ATP8A2: variants seen among roughly 807,000 people sequenced by gnomAD.
ATP8A2 encodes ATPase phospholipid transporting 8A2.
ATP8A2 carries 100 observed loss-of-function variants against 165.6 expected under a neutral mutation model. The observed-to-expected ratio is 0.60, with a 90% CI of 0.51 to 0.71. ATP8A2 has a LOEUF of 0.71. ATP8A2 is among the 30% of genes least tolerant of loss of function. ATP8A2 has a pLI of 0.00. For missense variants in ATP8A2, 1,227 were observed against 1,479.5 expected (o/e 0.83, Z 2.80); for synonymous variants, 543 against 548.8 (o/e 0.99, Z 0.15).
intron 1 of ATP8A2, among the ~76,000 whole-genome samples, chr13:25,435,787 T>C (rs1023271318): frequency 2.6e-5 from 4 of 152,226 alleles, no homozygotes; most frequent in Non-Finnish European, 5.9e-5. Context: ...GAAAATATAA[T>C]GTAGACTATT....
rs1409629958 is a variant in ATP8A2, at chr13:26,021,632, C to G, written c.*1647C>G. The G allele has an allele frequency of 6.6e-6, 1 of 152,228 alleles. No individual in the cohort carries two copies. Among genetic ancestry groups the G allele is most frequent in the African/African-American group, 2.4e-5 (1 of 41,444 alleles). 9.4% of individuals were successfully genotyped at this position (152,228 alleles called of 1,614,324 possible). ...AACAACCTGCCTGGAGCCCTGTTCTCTGCTCTGGTTGCCAAACCAGATTTT... is the reference window on the plus strand; with the variant it reads ...AACAACCTGCCTGGAGCCCTGTTCTGTGCTCTGGTTGCCAAACCAGATTTT... On this transcript the variant is annotated 3_prime_UTR_variant, in exon 37 of 37. Coordinates refer to ENST00000381655, the MANE Select transcript of ATP8A2 (RefSeq NM_016529.6).
At chr13:25,930,687 G>A (rs984444078) in intron 33 of ATP8A2, among the ~76,000 whole-genome samples, 2 of 151,748 alleles carry the variant, frequency 1.3e-5, no homozygotes, top group Admixed American at 6.6e-5. Flanking sequence ...TCGTCATTGT[G>A]TGCCCAGCAA....
intron 33 of ATP8A2, among the ~76,000 whole-genome samples, chr13:25,918,174 A>C (rs1364940274): frequency 2.0e-5 from 3 of 152,240 alleles, no homozygotes; most frequent in African/African-American, 7.2e-5. Flanking sequence ...ATAAAAGGGC[A>C]ATGGTGCAGC....
At chr13:25,979,929 CAGAGTAATCAGAGAAA>C (rs1956142976) in intron 35 of ATP8A2, among the ~76,000 whole-genome samples, 1 of 152,138 alleles carries the variant, frequency 6.6e-6, no homozygotes, top group South Asian at 2.1e-4. Flanking sequence ...TAACAACAGT[CAGAGTAATCAGAGAAA>C]AGCGTAACAG....
intron 35 of ATP8A2, among the ~76,000 whole-genome samples, chr13:25,971,142 T>C (rs1204918124): frequency 1.3e-5 from 2 of 152,052 alleles, no homozygotes; most frequent in African/African-American, 2.4e-5. Flanking sequence ...AGAACACAGT[T>C]TGGGGGCTCT....
intron 36 of ATP8A2, among the ~76,000 whole-genome samples, chr13:26,016,650 C>T (rs1166303934): frequency 6.6e-6 from 1 of 152,158 alleles, no homozygotes; most frequent in Non-Finnish European, 1.5e-5. Flanking sequence ...TCCATGAGTT[C>T]CCCCCAACCA....
At chr13:25,514,002 G>C (rs1235299921) in intron 2 of ATP8A2, among the ~76,000 whole-genome samples, 1 of 144,196 alleles carries the variant, frequency 6.9e-6, no homozygotes, top group East Asian at 2.1e-4. Flanking sequence ...GGGAGGGGGA[G>C]GGAGAGGGAG....
intron 2 of ATP8A2, among the ~76,000 whole-genome samples, chr13:25,488,425 T>C (rs1245792494): frequency 6.6e-6 from 1 of 152,192 alleles, no homozygotes; most frequent in African/African-American, 2.4e-5. Flanking sequence ...CTCGTTGATA[T>C]AGTAATTACA....
At chr13:25,420,291 G>T (rs1391118985) in intron 1 of ATP8A2, among the ~76,000 whole-genome samples, 1 of 152,202 alleles carries the variant, frequency 6.6e-6, no homozygotes, top group Non-Finnish European at 1.5e-5. Context: ...CCAGAAGAAG[G>T]TTAATACAGA....
intron 23 of ATP8A2, among the ~76,000 whole-genome samples, chr13:25,585,436 G>A (rs1394398986): frequency 2.0e-5 from 3 of 152,084 alleles, no homozygotes; most frequent in Non-Finnish European, 2.9e-5. Flanking sequence ...AAATCCTAGT[G>A]TGTATTCCAT....
intron 24 of ATP8A2, among the ~76,000 whole-genome samples, chr13:25,605,002 T>C (rs960484184): frequency 6.6e-6 from 1 of 152,210 alleles, no homozygotes; most frequent in African/African-American, 2.4e-5. Context: ...AGAAAATCAG[T>C]AATTACATGG....
Position 25,577,049 on chromosome 13 carries a change from T to A in ATP8A2, c.1713-20T>A. 1 of 1,608,192 alleles carries A rather than the reference T, an allele frequency of 6.2e-7. No individual in the cohort carries two copies. Among genetic ancestry groups the A allele is most frequent in the Non-Finnish European group, 8.5e-7 (1 of 1,175,128 alleles). On this transcript the variant is annotated intron_variant, in intron 19 of 36. Coordinates refer to ENST00000381655, the MANE Select transcript of ATP8A2 (RefSeq NM_016529.6). ...CCTGTAAACAGACCAATGATGACTT[T>A]TTTTTTTTCACTCTCCCAGTGACAG... is the stretch of plus-strand genomic sequence containing the variant.
At chr13:25,486,037 C>G (rs1382604022) in intron 2 of ATP8A2, among the ~76,000 whole-genome samples, 1 of 152,182 alleles carries the variant, frequency 6.6e-6, no homozygotes, top group African/African-American at 2.4e-5. Context: ...TGTACGAACT[C>G]TGAGGAAATG....
chr13:25,838,251 C>T (rs1951670499), intron 29 of ATP8A2, among the ~76,000 whole-genome samples: 1 of 152,196 alleles, frequency 6.6e-6, no homozygotes, highest in South Asian at 2.1e-4. Context: ...GGCCTTTCTT[C>T]TGAGCCAGAT....
In ATP8A2 at chr13:25,543,875, T is replaced by C. The variant is rs369829396; in HGVS notation, c.891+473T>C. Among the ~76,000 whole-genome samples the C allele has an allele frequency of 1.6e-4, 25 of 152,364 alleles. No homozygotes were observed. In the South Asian group the frequency reaches 5.2e-3, roughly 32 times the overall value. On this transcript the variant is annotated intron_variant, in intron 10 of 36. Coordinates refer to ENST00000381655, the MANE Select transcript of ATP8A2 (RefSeq NM_016529.6). ...TTTGCTCTTTTTCCCTGTTAATGTTTTTTAAAAAACTGTTTGTGAATTTAT... is the reference window on the plus strand; with the variant it reads ...TTTGCTCTTTTTCCCTGTTAATGTTCTTTAAAAAACTGTTTGTGAATTTAT...
At chr13:25,537,329 C>T (rs1057359472) in intron 6 of ATP8A2, among the ~76,000 whole-genome samples, 5 of 152,176 alleles carry the variant, frequency 3.3e-5, no homozygotes, top group African/African-American at 7.2e-5. Flanking sequence ...ATTGGCCTTC[C>T]GTGCAGCTTG....
intron 35 of ATP8A2, among the ~76,000 whole-genome samples, chr13:25,986,872 A>C (rs570308833): frequency 6.6e-6 from 1 of 152,152 alleles, no homozygotes; most frequent in East Asian, 1.9e-4. Context: ...GAAAAATAAC[A>C]TTGCTTCCCA....
chr13:25,673,361 A>G (rs1261176165), intron 24 of ATP8A2, among the ~76,000 whole-genome samples: 1 of 152,226 alleles, frequency 6.6e-6, no homozygotes, highest in African/African-American at 2.4e-5. Context: ...ATTACCCATG[A>G]TGTGGCAAAT....
chr13:25,912,879 G>A lies in ATP8A2; in HGVS notation c.3184-48696G>A, dbSNP rs1380413580. Among the ~76,000 whole-genome samples the A allele has an allele frequency of 2.6e-5, 4 of 152,166 alleles. No homozygotes were observed. In the East Asian group the frequency reaches 7.7e-4, roughly 29 times the overall value. ...TTTTGTGGTTATGACAGCCCAATCT[G>A]AGAAGGAGGTGTTTGTGGAAGCACT... On this transcript the variant is annotated intron_variant, in intron 33 of 36. Coordinates refer to ENST00000381655, the MANE Select transcript of ATP8A2 (RefSeq NM_016529.6).
Sources: allele counts gnomAD v4.1 joint callset (sites outside exome capture counted in the v4.1 genomes callset), GRCh38; gene constraint gnomAD v4.1.1; transcripts MANE v1.5; gene names NCBI Gene and HGNC (gene_info 2026-07-23, HGNC 2026-07-21).